SLIT3: variants seen among roughly 807,000 people sequenced by gnomAD.
SLIT3 encodes slit guidance ligand 3.
In SLIT3, 68 loss-of-function variants were observed where a neutral mutation model predicts 184.0. That is an observed-to-expected ratio of 0.37 (90% CI 0.30 to 0.45). The LOEUF is 0.45. SLIT3 is among the 20% of genes least tolerant of loss of function. SLIT3 has a pLI of 1.00. For missense variants in SLIT3, 1,707 were observed against 2,026.0 expected (o/e 0.84, Z 3.02); for synonymous variants, 831 against 828.6 (o/e 1.00, Z -0.05).
chr5:168,945,738 C>T (rs950248342), intron 4 of SLIT3, among the ~76,000 whole-genome samples: 1 of 152,238 alleles, frequency 6.6e-6, no homozygotes, highest in Non-Finnish European at 1.5e-5. Flanking sequence ...GGTGTTTCCT[C>T]CTCCCAACAC....
At chr5:169,263,668 T>C (rs1000257576) in intron 1 of SLIT3, 2 of 511,518 alleles carry the variant, frequency 3.9e-6, no homozygotes, top group Non-Finnish European at 4.0e-6. Flanking sequence ...ATCTGTGTGC[T>C]AGGGCTGCCA....
At chr5:169,112,970 A>C (rs1760465935) in intron 4 of SLIT3, among the ~76,000 whole-genome samples, 1 of 152,014 alleles carries the variant, frequency 6.6e-6, no homozygotes, top group Non-Finnish European at 1.5e-5. Context: ...CTCATGTTTA[A>C]CCATCACTCA....
chr5:168,806,733 G>GTGA, intron 8 of SLIT3, 146 bp from the exon 9 acceptor site: 1 of 891,754 alleles, frequency 1.1e-6, no homozygotes, highest in Non-Finnish European at 1.7e-6. Context: ...CTTCACCTGG[G>GTGA]AGACACAGGT....
chr5:168,841,119 C>G (rs530333559), intron 6 of SLIT3, among the ~76,000 whole-genome samples: 6 of 152,238 alleles, frequency 3.9e-5, no homozygotes, highest in Admixed American at 3.9e-4. Flanking sequence ...CCCACAGCCG[C>G]CATGCTTCAG....
At chr5:168,821,010 T>A (rs1166281204) in intron 7 of SLIT3, among the ~76,000 whole-genome samples, 1 of 152,116 alleles carries the variant, frequency 6.6e-6, no homozygotes, top group African/African-American at 2.4e-5. Flanking sequence ...TCAGCTCAAG[T>A]CTCCAGGGAG....
intron 20 of SLIT3, 145 bp from the exon 21 acceptor site, chr5:168,724,629 T>C (rs1763048474): frequency 2.0e-6 from 1 of 505,210 alleles, no homozygotes; most frequent in Non-Finnish European, 3.6e-6. Context: ...AAAGCATTAC[T>C]ATATTTGTCA....
At chr5:169,164,926 T>C (rs1762586920) in intron 4 of SLIT3, among the ~76,000 whole-genome samples, 1 of 152,240 alleles carries the variant, frequency 6.6e-6, no homozygotes. Context: ...GTTGGATGCC[T>C]GGGCTTCAGG....
intron 4 of SLIT3, among the ~76,000 whole-genome samples, chr5:168,937,961 T>G (rs1762213802): frequency 6.6e-6 from 1 of 152,122 alleles, no homozygotes; most frequent in Non-Finnish European, 1.5e-5. Flanking sequence ...ACTTCTGACT[T>G]CCAGAATGCA....
At chr5:168,877,919 T>G (rs917704427) in intron 5 of SLIT3, among the ~76,000 whole-genome samples, 7 of 152,206 alleles carry the variant, frequency 4.6e-5, no homozygotes, top group African/African-American at 1.4e-4. Flanking sequence ...TTGGCTGGAT[T>G]GTGGCCTGTC....
chr5:169,028,610 TA>T (rs750960078), intron 4 of SLIT3, among the ~76,000 whole-genome samples: 1 of 152,266 alleles, frequency 6.6e-6, no homozygotes, highest in African/African-American at 2.4e-5. Flanking sequence ...TCAGGCAGTC[TA>T]ACAATTGTGA....
intron 32 of SLIT3, among the ~76,000 whole-genome samples, chr5:168,679,404 T>C (rs1417065150): frequency 6.6e-6 from 1 of 152,108 alleles, no homozygotes; most frequent in East Asian, 1.9e-4. Context: ...AATCCCTTAG[T>C]AGAGGCCAGG....
chr5:169,289,841 G>A (rs1285240634), intron 1 of SLIT3, among the ~76,000 whole-genome samples: 1 of 152,198 alleles, frequency 6.6e-6, no homozygotes, highest in Non-Finnish European at 1.5e-5. Flanking sequence ...AGAGGATCAT[G>A]GACTCCACAG....
chr5:168,740,142 G>A (rs1581024467), intron 20 of SLIT3, among the ~76,000 whole-genome samples: 2 of 152,290 alleles, frequency 1.3e-5, no homozygotes, highest in East Asian at 1.9e-4. Context: ...AGAGCCTCTG[G>A]TGGAATGGGC....
At chr5:168,786,104 T>G in intron 11 of SLIT3, 126 bp from the exon 12 acceptor site, 1 of 657,662 alleles carries the variant, frequency 1.5e-6, no homozygotes, top group Non-Finnish European at 2.7e-6. Context: ...TTCCACGGCC[T>G]GCCTAATCCC....
intron 4 of SLIT3, among the ~76,000 whole-genome samples, chr5:169,117,905 G>C (rs1019209954): frequency 2.0e-5 from 3 of 152,208 alleles, no homozygotes; most frequent in Non-Finnish European, 4.4e-5. Flanking sequence ...TCCTAAGCAC[G>C]AACTAGCATA....
At chr5:168,981,986 C>T (rs542609098) in intron 4 of SLIT3, among the ~76,000 whole-genome samples, 3 of 152,126 alleles carry the variant, frequency 2.0e-5, no homozygotes, top group South Asian at 4.2e-4. Context: ...AGCAATGTGA[C>T]GTTGCTGCAT....
At chr5:168,838,510 C>G (rs528419196) in intron 6 of SLIT3, among the ~76,000 whole-genome samples, 1 of 152,006 alleles carries the variant, frequency 6.6e-6, no homozygotes, top group African/African-American at 2.4e-5. Flanking sequence ...ATTATCGTTA[C>G]GTCATTATTA....
intron 5 of SLIT3, among the ~76,000 whole-genome samples, chr5:168,882,475 G>C (rs1759992082): frequency 6.6e-6 from 1 of 152,176 alleles, no homozygotes; most frequent in South Asian, 2.1e-4. Flanking sequence ...ATCTGCACGT[G>C]ATGAAATCAC....
At chr5:168,900,375 G>C (rs1338452656) in intron 4 of SLIT3, among the ~76,000 whole-genome samples, 1 of 152,202 alleles carries the variant, frequency 6.6e-6, no homozygotes, top group Non-Finnish European at 1.5e-5. Flanking sequence ...AGCACTTTGG[G>C]AGGCTGAGGT....
Sources: allele counts gnomAD v4.1 joint callset (sites outside exome capture counted in the v4.1 genomes callset), GRCh38; gene constraint gnomAD v4.1.1; transcripts MANE v1.5; gene names NCBI Gene and HGNC (gene_info 2026-07-23, HGNC 2026-07-21).